GTF3A: variants seen among roughly 807,000 people sequenced by gnomAD.
GTF3A encodes transcription factor IIIA.
In GTF3A, 40 loss-of-function variants were observed where a neutral mutation model predicts 37.6. The observed-to-expected ratio is 1.06, with a 90% CI of 0.83 to 1.38. GTF3A has a LOEUF of 1.38. Ranked by LOEUF, GTF3A falls within the 40% of genes most tolerant of loss-of-function variation. The pLI is 0.00. For missense variants in GTF3A, 500 were observed against 462.6 expected (o/e 1.08, Z -0.74); for synonymous variants, 191 against 166.7 (o/e 1.15, Z -1.12).
chr13:27,424,992 G>C lies in GTF3A; in HGVS notation c.201+54G>C, dbSNP rs780483742. 3.7e-5 allele frequency: 50 copies of C among 1,362,620 alleles called. 1 individual carries two copies. The South Asian group carries it at 4.7e-4, about 13-fold the overall frequency. The allele number at this position is 1,362,620 out of a possible 1,614,324, so 84.4% of individuals were successfully genotyped here. ...GCCTAGGGATGGCGCGTGGCCCCGG[G>C]GTAGCCACTGCAGTCGTGGCCAGGG... On this transcript the variant is annotated intron_variant, in intron 1 of 8. Coordinates refer to ENST00000381140, the MANE Select transcript of GTF3A (RefSeq NM_002097.3).
At chr13:27,433,953 G>A (rs1953683155) in intron 5 of GTF3A, among the ~76,000 whole-genome samples, 186 bp from the exon 6 acceptor site, 1 of 152,176 alleles carries the variant, frequency 6.6e-6, no homozygotes, top group South Asian at 2.1e-4. Context: ...GCACCTTGCT[G>A]TGCCACTGTT....
intron 2 of GTF3A, among the ~76,000 whole-genome samples, chr13:27,429,019 C>G (rs1953632837): frequency 6.6e-6 from 1 of 152,116 alleles, no homozygotes; most frequent in African/African-American, 2.4e-5. Context: ...AGTGCACTTT[C>G]TGTCGGCCAC....
intron 2 of GTF3A, among the ~76,000 whole-genome samples, chr13:27,428,751 T>C (rs1953630089): frequency 6.6e-6 from 1 of 152,232 alleles, no homozygotes; most frequent in Non-Finnish European, 1.5e-5. Context: ...AGATGGGCTC[T>C]TTGTCTTGTG....
chr13:27,425,050 T>G (rs1357709331), intron 1 of GTF3A, 112 bp downstream of exon 1: 4 of 710,756 alleles, frequency 5.6e-6, no homozygotes, highest in Middle Eastern at 4.9e-4. Context: ...CGTTCAGCTT[T>G]GACATCCAGG....
At chr13:27,434,363 T>G in intron 6 of GTF3A, 144 bp downstream of exon 6, 1 of 667,578 alleles carries the variant, frequency 1.5e-6, no homozygotes, top group Non-Finnish European at 2.7e-6. Context: ...TATGATGTTG[T>G]TGGAAAGGTG....
At chr13:27,426,018 A>G (rs1002549294) in intron 1 of GTF3A, 2 of 152,372 alleles carry the variant, frequency 1.3e-5, no homozygotes, top group Non-Finnish European at 2.9e-5. Context: ...CACCCCGCCC[A>G]GCTCCCTCTT....
intron 1 of GTF3A, chr13:27,426,104 C>T: frequency 6.6e-6 from 1 of 152,494 alleles, no homozygotes. Context: ...CTTGCCCGTT[C>T]TAGCCTCTAA....
intron 8 of GTF3A, 112 bp from the exon 9 acceptor site, chr13:27,435,321 C>T: frequency 7.8e-7 from 1 of 1,287,206 alleles, no homozygotes; most frequent in Middle Eastern, 2.2e-4. Context: ...GACTTTACTT[C>T]CTCATAAAGC....
chr13:27,427,502 T>TG (rs896125314), intron 2 of GTF3A, among the ~76,000 whole-genome samples: 10 of 152,086 alleles, frequency 6.6e-5, no homozygotes, highest in African/African-American at 2.2e-4. Context: ...TGCTCATGGG[T>TG]GGGGACAAGC....
intron 5 of GTF3A, among the ~76,000 whole-genome samples, chr13:27,433,524 AAAC>A (rs1479462800): frequency 4.2e-5 from 2 of 47,060 alleles, no homozygotes; most frequent in Admixed American, 2.6e-4. Context: ...TAAAAAAAAA[AAAC>A]AAAAAAAAAC....
In GTF3A at chr13:27,434,849, G is replaced by A; in HGVS notation, c.688G>A (p.Asp230Asn). 6.2e-7 allele frequency: 1 copy of A among 1,613,356 alleles called. No homozygotes were observed. The highest frequency in any genetic ancestry group is 1.1e-5 in the South Asian group (1 of 91,024). ...ATGCCGGAAAACATTTAAACGCAAA[G>A]ATTACCTTAAGCAACACATGAAAAC... is the stretch of plus-strand genomic sequence containing the variant. The change falls in exon 7 of 9, where the codon GAT becomes AAT. Residue 230 changes from aspartate to asparagine, a missense_variant. Transcript: ENST00000381140.
intron 4 of GTF3A, 25 bp from the exon 5 acceptor site, chr13:27,432,706 A>C: frequency 6.3e-7 from 1 of 1,577,898 alleles, no homozygotes; most frequent in Non-Finnish European, 8.6e-7. Flanking sequence ...TGGATTGGCT[A>C]ATACCTCATG....
Position 27,435,711 on chromosome 13 carries a change from A to G in GTF3A, c.*114A>G, listed in dbSNP as rs1953713635. On this transcript the variant is annotated 3_prime_UTR_variant, in exon 9 of 9. Transcript: ENST00000381140. ...GAACATTTGATTCCTTATCATTTCC[A>G]TGGTCTTTGTTCAAAGTGTCTCTTT... The G allele has an allele frequency of 6.2e-7, 1 of 1,614,106 alleles. No homozygotes were observed. The highest frequency in any genetic ancestry group is 8.5e-7 in the Non-Finnish European group (1 of 1,179,994).
intron 7 of GTF3A, 47 bp downstream of exon 7, chr13:27,435,081 C>T (rs954241933): frequency 6.4e-7 from 1 of 1,559,118 alleles, no homozygotes; most frequent in Non-Finnish European, 8.8e-7. Flanking sequence ...TATGCTTTCA[C>T]AACATGGTTT....
chr13:27,425,236 A>G (rs1478432108), intron 1 of GTF3A: 1 of 367,068 alleles, frequency 2.7e-6, no homozygotes, highest in East Asian at 4.6e-5. Context: ...GCCCACCGCT[A>G]CTAGACACCT....
rs764139600 is a variant in GTF3A at position 27,426,367 on chromosome 13, T to G, written c.202-725T>G. 6 of 152,472 alleles carry G rather than the reference T, an allele frequency of 3.9e-5. No homozygotes were observed. The East Asian group carries it at 1.2e-3, about 29-fold the overall frequency. 9.4% of individuals were successfully genotyped at this position (152,472 alleles called of 1,614,324 possible). A position where few individuals can be genotyped will look rare whatever the true frequency, so the allele number is the denominator to read the frequency against. ...GTATGTAGCTCACTGTGTTCCTGTTTGCTTGTTTTGCTCCTAGTACTCTCA... is the reference window on the plus strand; with the variant it reads ...GTATGTAGCTCACTGTGTTCCTGTTGGCTTGTTTTGCTCCTAGTACTCTCA... On this transcript the variant is annotated intron_variant, in intron 1 of 8. Transcript: ENST00000381140.
At chr13:27,432,661 G>C in intron 4 of GTF3A, 70 bp from the exon 5 acceptor site, 1 of 1,264,938 alleles carries the variant, frequency 7.9e-7, no homozygotes, top group South Asian at 1.3e-5. Context: ...ACAGGACAAA[G>C]TGCCATTGAC....
chr13:27,434,509 A>G (rs1051513081), intron 6 of GTF3A: 2 of 542,700 alleles, frequency 3.7e-6, no homozygotes, highest in African/African-American at 2.0e-5. Context: ...TACCCTGCAT[A>G]CTGGGGGACA....
intron 4 of GTF3A, among the ~76,000 whole-genome samples, chr13:27,431,010 G>T (rs977928514): frequency 3.3e-5 from 5 of 149,912 alleles, no homozygotes; most frequent in East Asian, 1.9e-4. Flanking sequence ...CTGATGTCCA[G>T]AAGTTTTTCC....
Sources: allele counts gnomAD v4.1 joint callset (sites outside exome capture counted in the v4.1 genomes callset), GRCh38; gene constraint gnomAD v4.1.1; transcripts MANE v1.5; gene names NCBI Gene and HGNC (gene_info 2026-07-23, HGNC 2026-07-21).